EXOC6B: variants seen among roughly 807,000 people sequenced by gnomAD.
EXOC6B encodes exocyst complex component 6B, also known as SEC15 homolog B.
In EXOC6B, 54 loss-of-function variants were observed where a neutral mutation model predicts 113.5. The ratio of observed to expected loss-of-function variants is 0.48; its 90% CI spans 0.38 to 0.60. The LOEUF (loss-of-function observed/expected upper bound fraction) is 0.60. Among genes scored for constraint, EXOC6B ranks in the 20% least tolerant of loss-of-function variants. The probability of loss-of-function intolerance (pLI) is 0.00; values close to 1 mark genes in which losing one functional copy is unlikely to be tolerated. For synonymous variants in EXOC6B, 357 were observed against 339.0 expected (o/e 1.05, Z -0.58); for missense variants, 797 against 977.5 (o/e 0.82, Z 2.46).
intron 19 of EXOC6B, among the ~76,000 whole-genome samples, chr2:72,361,553 C>A (rs1690317066): frequency 6.6e-6 from 1 of 152,094 alleles, no homozygotes; most frequent in African/African-American, 2.4e-5. Context: ...ACTGGAGAGG[C>A]AAGAATAGCT....
chr2:72,453,960 G>A (rs1697058555), intron 18 of EXOC6B, among the ~76,000 whole-genome samples: 1 of 152,194 alleles, frequency 6.6e-6, no homozygotes, highest in Non-Finnish European at 1.5e-5. Flanking sequence ...TCATAGGACA[G>A]CAGGAGAGAG....
chr2:72,486,505 C>G (rs1179693918), intron 16 of EXOC6B, among the ~76,000 whole-genome samples: 2 of 152,138 alleles, frequency 1.3e-5, no homozygotes, highest in Non-Finnish European at 2.9e-5. Context: ...TTTTTACACA[C>G]TCCTAGAGGA....
chr2:72,699,713 CAAT>C (rs1678168424), intron 6 of EXOC6B, among the ~76,000 whole-genome samples: 1 of 151,978 alleles, frequency 6.6e-6, no homozygotes, highest in Non-Finnish European at 1.5e-5. Flanking sequence ...TTAAAAAAAA[CAAT>C]GTTATAGTAC....
At position 72,643,810 on chromosome 2, in the gene EXOC6B, A is replaced by T. The variant is rs867746428; in HGVS notation, c.670-68142T>A. 1.5e-3 allele frequency among the ~76,000 whole-genome samples: 227 copies of T among 150,834 alleles called. 3 individuals are homozygous for T. Among genetic ancestry groups the T allele is most frequent in the South Asian group, 1.9e-3 (9 of 4,812 alleles). ...AAAAAGAAGCAATAAAAAAAATTAA[A>T]AAATAAATAAATAAATAAATAAATA... On this transcript the variant is annotated intron_variant, in intron 6 of 21. Transcript: ENST00000272427.
At chr2:72,564,963 A>G (rs942729386) in intron 7 of EXOC6B, among the ~76,000 whole-genome samples, 10 of 152,180 alleles carry the variant, frequency 6.6e-5, no homozygotes, top group Admixed American at 2.6e-4. Context: ...GCAGAACAAA[A>G]TCAGGAAAAA....
chr2:72,353,996 G>A (rs1200188381), intron 19 of EXOC6B, among the ~76,000 whole-genome samples: 6 of 152,084 alleles, frequency 3.9e-5, no homozygotes, highest in East Asian at 3.9e-4. Context: ...AGCAAGCTTC[G>A]GATCACAACT....
At position 72,819,811 on chromosome 2, in the gene EXOC6B, T is replaced by C. The variant is rs572402171; in HGVS notation, c.113+5987A>G. On this transcript the variant is annotated intron_variant, in intron 1 of 21. Transcript: ENST00000272427. The stretch of plus-strand genomic sequence containing the variant: ...ATCATTCATGCTACCTGCTAGGCAG[T>C]AGTCCTAGCTTGGTACCTTGCATTG... 5.9e-5 allele frequency among the ~76,000 whole-genome samples: 9 copies of C among 152,314 alleles called. 1 individual carries two copies. The highest frequency in any genetic ancestry group is 1.9e-4 in the African/African-American group (8 of 41,566).
intron 18 of EXOC6B, among the ~76,000 whole-genome samples, chr2:72,450,343 A>G (rs1308866733): frequency 6.6e-6 from 1 of 152,248 alleles, no homozygotes; most frequent in Admixed American, 6.5e-5. Flanking sequence ...TTCCAGCTCC[A>G]TTAAATCAGA....
At chr2:72,423,159 A>G (rs529363372) in intron 18 of EXOC6B, among the ~76,000 whole-genome samples, 19 of 151,642 alleles carry the variant, frequency 1.3e-4, no homozygotes, top group Admixed American at 6.6e-4. Context: ...AGGAACGAAC[A>G]ACTCCAGACG....
At chr2:72,770,104 G>T (rs1276699545) in intron 1 of EXOC6B, among the ~76,000 whole-genome samples, 1 of 151,918 alleles carries the variant, frequency 6.6e-6, no homozygotes, top group African/African-American at 2.4e-5. Context: ...ACTAGAGGAG[G>T]AACACAAACC....
intron 19 of EXOC6B, among the ~76,000 whole-genome samples, chr2:72,340,685 TG>T (rs1688978985): frequency 6.6e-6 from 1 of 152,158 alleles, no homozygotes; most frequent in African/African-American, 2.4e-5. Flanking sequence ...ACTGGGTACT[TG>T]TTTATAATTT....
intron 20 of EXOC6B, among the ~76,000 whole-genome samples, chr2:72,274,070 C>G (rs1375027602): frequency 1.3e-5 from 2 of 152,044 alleles, no homozygotes; most frequent in African/African-American, 4.8e-5. Flanking sequence ...AAGGCAGGTA[C>G]TGAGAAACAA....
chr2:72,772,644 T>C (rs1683471213), intron 1 of EXOC6B, among the ~76,000 whole-genome samples: 1 of 151,896 alleles, frequency 6.6e-6, no homozygotes, highest in African/African-American at 2.4e-5. Context: ...ACTGATCCTA[T>C]AAACCCAGGT....
chr2:72,700,729 C>T (rs960628655), intron 6 of EXOC6B, among the ~76,000 whole-genome samples: 1 of 152,132 alleles, frequency 6.6e-6, no homozygotes, highest in Non-Finnish European at 1.5e-5. Context: ...TTTGGGAGAC[C>T]GAAGCAGGCA....
chr2:72,364,603 C>T (rs1438063789), intron 19 of EXOC6B, among the ~76,000 whole-genome samples: 35 of 152,086 alleles, frequency 2.3e-4, no homozygotes, highest in Admixed American at 2.3e-3. Context: ...TGAAAGCTGG[C>T]TCTGCATTAA....
At chr2:72,777,592 G>GA (rs1422738021) in intron 1 of EXOC6B, among the ~76,000 whole-genome samples, 5 of 151,810 alleles carry the variant, frequency 3.3e-5, no homozygotes, top group Non-Finnish European at 7.4e-5. Context: ...AGGCTGGAAA[G>GA]AAAAAACACT....
intron 6 of EXOC6B, among the ~76,000 whole-genome samples, chr2:72,618,573 T>C (rs891680468): frequency 5.9e-5 from 9 of 152,280 alleles, no homozygotes; most frequent in African/African-American, 1.9e-4. Flanking sequence ...CCTATTGTAA[T>C]AGCCTGAATA....
At chr2:72,308,436 A>T (rs929562171) in intron 20 of EXOC6B, among the ~76,000 whole-genome samples, 4 of 152,228 alleles carry the variant, frequency 2.6e-5, no homozygotes, top group African/African-American at 9.6e-5. Context: ...TAAGTAATGG[A>T]ATGGATAAGA....
At position 72,228,417 on chromosome 2, in the gene EXOC6B, CT is replaced by C. The variant is rs1474011834; in HGVS notation, c.2197-44231del. Among the ~76,000 whole-genome samples the C allele has an allele frequency of 4.7e-4, 65 of 139,744 alleles. 1 individual carries two copies. The highest frequency in any genetic ancestry group is 1.4e-3 in the African/African-American group (54 of 38,860). 91.7% of individuals were successfully genotyped at this position (139,744 alleles called of 152,430 possible). On this transcript the variant is annotated intron_variant, in intron 20 of 21. Coordinates refer to ENST00000272427, the MANE Select transcript of EXOC6B (RefSeq NM_015189.3). ...TATCTCCTAATGCTATCCCTCCCCC[CT>C]CCCCTCACCCCACAATAGGCCCCAG...
Sources: allele counts gnomAD v4.1 joint callset (sites outside exome capture counted in the v4.1 genomes callset), GRCh38; gene constraint gnomAD v4.1.1; transcripts MANE v1.5; gene names NCBI Gene and HGNC (gene_info 2026-07-23, HGNC 2026-07-21).